Variants in SHOC1 observed in about 807,000 individuals in gnomAD.
SHOC1 encodes the protein shortage in chiasmata 1.
In SHOC1, 136 loss-of-function variants were observed where a neutral mutation model predicts 179.2. That is an observed-to-expected ratio of 0.76 (90% CI 0.66 to 0.87). The LOEUF (loss-of-function observed/expected upper bound fraction) is 0.87, where lower values mean the gene tolerates loss of function less well. SHOC1 is among the 40% of genes least tolerant of loss of function. The probability of loss-of-function intolerance (pLI) is 0.00; values close to 1 mark genes in which losing one functional copy is unlikely to be tolerated. For missense variants in SHOC1, 1,538 were observed against 1,700.8 expected (o/e 0.90, Z 1.68); for synonymous variants, 489 against 586.6 (o/e 0.83, Z 2.41).
chr9:111,783,059 T>C (rs1836132898), intron 3 of SHOC1, among the ~76,000 whole-genome samples: 2 of 152,232 alleles, frequency 1.3e-5, no homozygotes, highest in African/African-American at 2.4e-5. Context: ...CATCATCTTA[T>C]TCTCTTTTTA....
At position 111,686,517 on chromosome 9, in the gene SHOC1, G is replaced by A. The variant is rs150251290; in HGVS notation, c.*253C>T. 65 of 271,232 alleles carry A rather than the reference G, an allele frequency of 2.4e-4. No individual in the cohort carries two copies. Among genetic ancestry groups the A allele is most frequent in the Middle Eastern group, 2.6e-3 (2 of 770 alleles). 16.8% of individuals were successfully genotyped at this position (271,232 alleles called of 1,614,324 possible). A position where few individuals can be genotyped will look rare whatever the true frequency, so the allele number is the denominator to read the frequency against. On this transcript the variant is annotated 3_prime_UTR_variant, in exon 28 of 28. Coordinates refer to ENST00000682961, the MANE Select transcript of SHOC1 (RefSeq NM_001378211.1). The stretch of plus-strand genomic sequence containing the variant: ...TGATGGAGACTCATTTAAATGGCCT[G>A]TGTGCAGGGGTGTCTGGAAGACATT...
intron 1 of SHOC1, among the ~76,000 whole-genome samples, chr9:111,794,323 C>T (rs1836551978): frequency 6.6e-6 from 1 of 151,598 alleles, no homozygotes. Flanking sequence ...GTGGCTCACA[C>T]CTGTAATCCC....
At chr9:111,700,377 G>A (rs1831913593) in intron 23 of SHOC1, among the ~76,000 whole-genome samples, 1 of 151,974 alleles carries the variant, frequency 6.6e-6, no homozygotes, top group Non-Finnish European at 1.5e-5. Flanking sequence ...CATCCCCCTG[G>A]TCAAAGTAAC....
intron 18 of SHOC1, among the ~76,000 whole-genome samples, chr9:111,710,943 G>A (rs1232540930): frequency 1.3e-5 from 2 of 152,024 alleles, no homozygotes; most frequent in Non-Finnish European, 2.9e-5. Flanking sequence ...GAAGAGAAAC[G>A]GTAACCAAAG....
At chr9:111,741,722 C>T (rs1834050718) in intron 10 of SHOC1, 152 bp from the exon 11 acceptor site, 1 of 371,680 alleles carries the variant, frequency 2.7e-6, no homozygotes, top group Admixed American at 4.5e-5. Flanking sequence ...CAACCTCCGC[C>T]CCAGATTCAA....
intron 18 of SHOC1, among the ~76,000 whole-genome samples, chr9:111,708,823 G>C (rs535022013): frequency 6.6e-6 from 1 of 152,108 alleles, no homozygotes; most frequent in East Asian, 1.9e-4. Flanking sequence ...ATTTATTTTT[G>C]GTAGACATAA....
chr9:111,722,636 C>A (rs369983085), intron 14 of SHOC1, 51 bp from the exon 15 acceptor site: 1 of 1,450,328 alleles, frequency 6.9e-7, no homozygotes, highest in South Asian at 1.3e-5. Context: ...ATGGTATGCT[C>A]TTTTTGATGA....
At chr9:111,769,066 G>A (rs1208953402) in intron 5 of SHOC1, among the ~76,000 whole-genome samples, 1 of 152,062 alleles carries the variant, frequency 6.6e-6, no homozygotes, top group African/African-American at 2.4e-5. Context: ...TTAATGATTT[G>A]TATATGTTGA....
intron 3 of SHOC1, among the ~76,000 whole-genome samples, chr9:111,781,692 C>T (rs499780): frequency 0.62 from 93,629 of 151,684 alleles, 29,425 homozygotes; most frequent in East Asian, 0.9. Context: ...CATGGCACTC[C>T]AGCCTGGGCA....
At chr9:111,731,331 C>T (rs1833558263) in intron 12 of SHOC1, among the ~76,000 whole-genome samples, 1 of 152,214 alleles carries the variant, frequency 6.6e-6, no homozygotes, top group African/African-American at 2.4e-5. Context: ...GGTCAGTTCT[C>T]AACATACCAT....
chr9:111,771,338 A>G (rs1220981363), intron 5 of SHOC1, among the ~76,000 whole-genome samples: 1 of 145,018 alleles, frequency 6.9e-6, no homozygotes, highest in Non-Finnish European at 1.6e-5. Context: ...CTCAATTTAC[A>G]TATTTTTATA....
At chr9:111,726,530 T>C (rs1833298026) in intron 13 of SHOC1, among the ~76,000 whole-genome samples, 1 of 152,208 alleles carries the variant, frequency 6.6e-6, no homozygotes, top group African/African-American at 2.4e-5. Flanking sequence ...TCCAAAGTTC[T>C]GGGATTAGAG....
At chr9:111,743,290 C>T (rs1480803666) in intron 10 of SHOC1, among the ~76,000 whole-genome samples, 1 of 152,096 alleles carries the variant, frequency 6.6e-6, no homozygotes, top group Admixed American at 6.6e-5. Flanking sequence ...GTAGTTCCCC[C>T]TTATCCATGA....
chr9:111,780,965 C>G lies in SHOC1; in HGVS notation c.222G>C (p.Trp74Cys). ...AATCCTCCACAAAGAAACTTGCTTT[C>G]CATTGGTCCAAGACTGAGGTATCTG... The part of the protein sequence containing the change: ...GMTDTSVLDQ[W>C]KASFFVEDFL... Residue 74 changes from tryptophan (W) to cysteine (C), a missense_variant, in exon 4 of 28, where the codon TGG becomes TGC. Transcript: ENST00000682961. The G allele has an allele frequency of 6.2e-7, 1 of 1,613,472 alleles. No individual in the cohort carries two copies. The highest frequency in any genetic ancestry group is 1.1e-5 in the South Asian group (1 of 90,992).
chr9:111,752,351 G>A (rs10981051), intron 8 of SHOC1, among the ~76,000 whole-genome samples: 28,660 of 152,176 alleles, frequency 0.19, 2,897 homozygotes, highest in Non-Finnish European at 0.22. Flanking sequence ...CAGATTGAAA[G>A]CATATCAGCT....
At chr9:111,703,188 A>G (rs1323799119) in intron 22 of SHOC1, among the ~76,000 whole-genome samples, 2 of 152,184 alleles carry the variant, frequency 1.3e-5, no homozygotes, top group African/African-American at 4.8e-5. Flanking sequence ...AAGACACAGT[A>G]TCTCTTAAAA....
intron 24 of SHOC1, among the ~76,000 whole-genome samples, chr9:111,697,704 C>G (rs1831768666): frequency 6.6e-6 from 1 of 152,130 alleles, no homozygotes; most frequent in African/African-American, 2.4e-5. Flanking sequence ...TGGGTATATA[C>G]CCAGTAATGG....
At chr9:111,732,867 C>G (rs1157839804) in intron 12 of SHOC1, among the ~76,000 whole-genome samples, 1 of 152,156 alleles carries the variant, frequency 6.6e-6, no homozygotes, top group African/African-American at 2.4e-5. Context: ...GGTAGTTTCA[C>G]AGGCATATAC....
At chr9:111,745,017 T>A (rs1834209831) in intron 10 of SHOC1, among the ~76,000 whole-genome samples, 1 of 152,194 alleles carries the variant, frequency 6.6e-6, no homozygotes, top group Non-Finnish European at 1.5e-5. Context: ...GATGGGGTAT[T>A]GAACAAGTTT....
Sources: allele counts gnomAD v4.1 joint callset (sites outside exome capture counted in the v4.1 genomes callset), GRCh38; gene constraint gnomAD v4.1.1; transcripts MANE v1.5; gene names NCBI Gene and HGNC (gene_info 2026-07-23, HGNC 2026-07-21).